ADAMTSL1: variants seen among roughly 807,000 people sequenced by gnomAD.
The protein encoded by ADAMTSL1 is ADAMTS like 1, also known as ADAMTS-like protein 1.
In ADAMTSL1, 126 loss-of-function variants were observed where a neutral mutation model predicts 201.8. The observed-to-expected ratio is 0.62, with a 90% CI of 0.54 to 0.72. The LOEUF is 0.72. Among genes scored for constraint, ADAMTSL1 ranks in the 30% least tolerant of loss-of-function variants. The probability of loss-of-function intolerance (pLI) is 0.00; values close to 1 mark genes in which losing one functional copy is unlikely to be tolerated. For missense variants in ADAMTSL1, 2,679 were observed against 2,277.8 expected (o/e 1.18, Z -3.59); for synonymous variants, 1,121 against 903.4 (o/e 1.24, Z -4.32).
At chr9:18,160,371 C>A (rs186245350) in intron 1 of ADAMTSL1, among the ~76,000 whole-genome samples, 2 of 151,948 alleles carry the variant, frequency 1.3e-5, no homozygotes, top group East Asian at 3.9e-4. Flanking sequence ...GGGTTGAATC[C>A]GGAAGAGATT....
chr9:18,569,484 G>A (rs769078899), intron 3 of ADAMTSL1, among the ~76,000 whole-genome samples: 2 of 152,160 alleles, frequency 1.3e-5, no homozygotes, highest in East Asian at 3.9e-4. Flanking sequence ...GAGCTGTCAA[G>A]CCACAGGTAT....
At chr9:18,393,805 A>T (rs746970215) in intron 2 of ADAMTSL1, among the ~76,000 whole-genome samples, 1 of 152,164 alleles carries the variant, frequency 6.6e-6, no homozygotes, top group Non-Finnish European at 1.5e-5. Context: ...CACAACCTTG[A>T]AGGAAACAAG....
chr9:18,668,166 C>A (rs577512937), intron 9 of ADAMTSL1, among the ~76,000 whole-genome samples: 90 of 152,274 alleles, frequency 5.9e-4, no homozygotes, highest in African/African-American at 2.1e-3. Context: ...AAAGTAACAA[C>A]TTCTTACCTT....
intron 1 of ADAMTSL1, among the ~76,000 whole-genome samples, chr9:18,125,740 T>C (rs1252625656): frequency 6.6e-6 from 1 of 152,198 alleles, no homozygotes; most frequent in Non-Finnish European, 1.5e-5. Flanking sequence ...ACCACAAATG[T>C]AAAGAACTTT....
intron 2 of ADAMTSL1, among the ~76,000 whole-genome samples, chr9:18,234,251 G>T (rs531990131): frequency 6.6e-6 from 1 of 152,286 alleles, no homozygotes; most frequent in Admixed American, 6.5e-5. Flanking sequence ...AGAACGTGTT[G>T]GCAGAGAACG....
Position 18,574,249 on chromosome 9 carries a change from A to C in ADAMTSL1, c.457A>C (p.Ile153Leu). 1 of 1,614,116 alleles carries C rather than the reference A, an allele frequency of 6.2e-7. No homozygotes were observed. Among genetic ancestry groups the C allele is most frequent in the South Asian group, 1.1e-5 (1 of 91,086 alleles). ...CTATACAGAATCTTTGGATATGTGC[A>C]TCAGTGGTTTATGCCAAGTAAGTGC... ...RCYTESLDMC[I>L]SGLCQIVGCD... Residue 153 changes from isoleucine to leucine, a missense_variant, in exon 4 of 29, where the codon ATC becomes CTC. Ile to Leu is a conservative substitution (Grantham distance 5, BLOSUM62 2). Transcript: ENST00000380548.
chr9:18,835,811 T>C (rs148020807), intron 23 of ADAMTSL1, among the ~76,000 whole-genome samples: 5,888 of 152,232 alleles, frequency 0.039, 153 homozygotes, highest in South Asian at 0.098. Context: ...TCCAGCTGCA[T>C]CCATGTTGCT....
chr9:18,076,644 T>G (rs1204153031), intron 1 of ADAMTSL1, among the ~76,000 whole-genome samples: 1 of 152,132 alleles, frequency 6.6e-6, no homozygotes, highest in East Asian at 1.9e-4. Flanking sequence ...TGGAGACCTC[T>G]TAGGGGAATG....
At chr9:18,031,022 G>T (rs1040605332) in intron 1 of ADAMTSL1, among the ~76,000 whole-genome samples, 2 of 152,012 alleles carry the variant, frequency 1.3e-5, no homozygotes, top group Non-Finnish European at 2.9e-5. Flanking sequence ...GTCCACTTTG[G>T]TTTTTTCTTA....
At chr9:18,858,845 C>T (rs1827030140) in intron 23 of ADAMTSL1, among the ~76,000 whole-genome samples, 1 of 152,212 alleles carries the variant, frequency 6.6e-6, no homozygotes, top group Admixed American at 6.5e-5. Context: ...GGTCCACAAG[C>T]TTTGGGAACT....
At chr9:18,688,908 G>A (rs988554829) in intron 13 of ADAMTSL1, among the ~76,000 whole-genome samples, 9 of 150,988 alleles carry the variant, frequency 6.0e-5, no homozygotes, top group Non-Finnish European at 2.9e-5. Context: ...TACTAGAAAA[G>A]GGGGGATGGG....
chr9:18,855,728 G>C (rs974816734), intron 23 of ADAMTSL1, among the ~76,000 whole-genome samples: 19 of 152,298 alleles, frequency 1.2e-4, no homozygotes, highest in African/African-American at 4.6e-4. Flanking sequence ...TCTGTTGGCA[G>C]TGCCTGCTCA....
At position 18,162,055 on chromosome 9, in the gene ADAMTSL1, G is replaced by C. The variant is rs1397230297; in HGVS notation, c.88-1807G>C. On this transcript the variant is annotated intron_variant, in intron 1 of 29. Coordinates refer to the ADAMTSL1 transcript ENST00000680146. The stretch of plus-strand genomic sequence containing the variant: ...ACAAAAGTATTATCTTACAATTTCT[G>C]TAGGTCAGAAGTCTGGCAAGTTATG... Among the ~76,000 whole-genome samples, 3 of 152,018 alleles carry C rather than the reference G, an allele frequency of 2.0e-5. No homozygotes were observed. The East Asian group carries it at 5.8e-4, about 29-fold the overall frequency.
At chr9:17,961,099 A>G (rs959484641) in intron 1 of ADAMTSL1, among the ~76,000 whole-genome samples, 2 of 152,138 alleles carry the variant, frequency 1.3e-5, no homozygotes, top group African/African-American at 4.8e-5. Context: ...TTAGCACAAT[A>G]TCTCCAAAGG....
At chr9:18,561,399 G>C (rs928079415) in intron 3 of ADAMTSL1, among the ~76,000 whole-genome samples, 10 of 152,174 alleles carry the variant, frequency 6.6e-5, no homozygotes, top group African/African-American at 2.2e-4. Context: ...CTGAGAGACT[G>C]TTAAGATTTC....
intron 2 of ADAMTSL1, among the ~76,000 whole-genome samples, chr9:18,403,532 C>T (rs942545332): frequency 6.6e-6 from 1 of 152,138 alleles, no homozygotes; most frequent in African/African-American, 2.4e-5. Flanking sequence ...AGACCTTGAC[C>T]AATTTCTCTG....
Position 18,122,343 on chromosome 9 carries a change from C to A in ADAMTSL1, c.88-41519C>A, listed in dbSNP as rs1556354. Among the ~76,000 whole-genome samples, 650 of 152,300 alleles carry A rather than the reference C, an allele frequency of 4.3e-3. 4 individuals carry two copies. Among genetic ancestry groups the A allele is most frequent in the African/African-American group, 0.015 (604 of 41,568 alleles). ...TCTGCAACAGCAGCAACAGGAAACA[C>A]AGATGATGGGTGAGCACCAGATGGT... On this transcript the variant is annotated intron_variant, in intron 1 of 29. Coordinates refer to the ADAMTSL1 transcript ENST00000680146.
intron 1 of ADAMTSL1, among the ~76,000 whole-genome samples, chr9:17,970,606 G>A: frequency 6.6e-6 from 1 of 151,962 alleles, no homozygotes; most frequent in East Asian, 1.9e-4. Flanking sequence ...TGTTTCCTGT[G>A]TACAGAATGA....
At chr9:18,078,103 A>G (rs1823313653) in intron 1 of ADAMTSL1, among the ~76,000 whole-genome samples, 1 of 152,244 alleles carries the variant, frequency 6.6e-6, no homozygotes, top group African/African-American at 2.4e-5. Flanking sequence ...AGATAAAAGT[A>G]GTAGCATTGC....
Sources: allele counts gnomAD v4.1 joint callset (sites outside exome capture counted in the v4.1 genomes callset), GRCh38; gene constraint gnomAD v4.1.1; transcripts MANE v1.5; gene names NCBI Gene and HGNC (gene_info 2026-07-23, HGNC 2026-07-21).